The following CSMD3 variants were observed in gnomAD, a reference collection of about 807,000 sequenced individuals.
CSMD3 encodes the protein CUB and sushi domain-containing protein 3.
CSMD3 carries 177 observed loss-of-function variants against 435.2 expected under a neutral mutation model. The ratio of observed to expected loss-of-function variants is 0.41; its 90% confidence interval spans 0.36 to 0.46. The LOEUF is 0.46. Ranked by LOEUF, CSMD3 falls within the 20% of genes least tolerant of loss-of-function variation. The pLI, the probability that CSMD3 is intolerant of heterozygous loss-of-function variation, is 0.34. For synonymous variants in CSMD3, 1,656 were observed against 1,520.5 expected, an observed-to-expected ratio of 1.09 and a Z score of -2.07; for missense variants, 4,265 against 4,504.6, an observed-to-expected ratio of 0.95 and a Z score of 1.52.
chr8:113,355,738 A>AT (rs2094219772), intron 1 of CSMD3, among the ~76,000 whole-genome samples: 1 of 108,520 alleles, frequency 9.2e-6, no homozygotes, highest in African/African-American at 4.4e-5. Flanking sequence ...ATATATATAT[A>AT]TATATATATA....
intron 10 of CSMD3, among the ~76,000 whole-genome samples, chr8:112,902,028 G>T (rs938945330): frequency 2.0e-5 from 3 of 151,202 alleles, no homozygotes; most frequent in African/African-American, 7.3e-5. Flanking sequence ...TAATGTCAAA[G>T]AAATTCTCCC....
chr8:112,310,788 T>C (rs1821903421), intron 50 of CSMD3, 190 bp downstream of exon 50: 1 of 687,818 alleles, frequency 1.5e-6, no homozygotes, highest in Non-Finnish European at 2.6e-6. Flanking sequence ...AATGAATAAT[T>C]ATAAAACAGT....
intron 27 of CSMD3, among the ~76,000 whole-genome samples, chr8:112,523,210 G>A (rs1824485702): frequency 1.3e-5 from 2 of 152,018 alleles, no homozygotes; most frequent in South Asian, 4.1e-4. Flanking sequence ...TAGACTTAGT[G>A]TACCGTATTA....
At chr8:112,800,312 T>C in intron 12 of CSMD3, 38 bp from the exon 13 acceptor site, 2 of 1,221,522 alleles carry the variant, frequency 1.6e-6, no homozygotes, top group Non-Finnish European at 2.4e-6. Flanking sequence ...AGATGGGTTA[T>C]TAAAACATCC....
chr8:113,033,049 C>G (rs2087185884), intron 5 of CSMD3, among the ~76,000 whole-genome samples: 1 of 151,504 alleles, frequency 6.6e-6, no homozygotes, highest in Non-Finnish European at 1.5e-5. Flanking sequence ...TTGGGAGTCT[C>G]CACCTAGATT....
chr8:113,212,885 A>G (rs2092854923), intron 3 of CSMD3, among the ~76,000 whole-genome samples: 1 of 147,130 alleles, frequency 6.8e-6, no homozygotes, highest in South Asian at 2.1e-4. Flanking sequence ...CTTAAAGTAT[A>G]ATAAAAAATA....
intron 35 of CSMD3, among the ~76,000 whole-genome samples, chr8:112,396,528 A>C (rs2129838731): frequency 6.6e-6 from 1 of 152,314 alleles, no homozygotes; most frequent in Non-Finnish European, 1.5e-5. Context: ...AAACTATGCA[A>C]GAGTATCACC....
At chr8:112,783,764 AG>A (rs1440417703) in intron 13 of CSMD3, among the ~76,000 whole-genome samples, 1 of 152,016 alleles carries the variant, frequency 6.6e-6, no homozygotes, top group African/African-American at 2.4e-5. Flanking sequence ...TCCATGCAAA[AG>A]GAAACAAGAA....
At chr8:112,302,417 G>A (rs1237012760) in intron 52 of CSMD3, among the ~76,000 whole-genome samples, 1 of 151,862 alleles carries the variant, frequency 6.6e-6, no homozygotes, top group Non-Finnish European at 1.5e-5. Context: ...TATAATTTTT[G>A]TCAAGAACTC....
intron 1 of CSMD3, among the ~76,000 whole-genome samples, chr8:113,343,312 TA>T (rs553497074): frequency 1.5e-3 from 235 of 152,236 alleles, no homozygotes; most frequent in African/African-American, 5.5e-3. Flanking sequence ...ATGGGAACTA[TA>T]AAAAACTTAA....
At chr8:112,954,578 A>T in intron 8 of CSMD3, 106 bp downstream of exon 8, 1 of 710,680 alleles carries the variant, frequency 1.4e-6, no homozygotes, top group Non-Finnish European at 2.6e-6. Flanking sequence ...TAATGCAGTT[A>T]ATTTGGTAAA....
intron 55 of CSMD3, 115 bp from the exon 56 acceptor site, chr8:112,291,810 A>G: frequency 1.5e-6 from 1 of 683,202 alleles, no homozygotes; most frequent in East Asian, 2.8e-5. Flanking sequence ...TCAAACAACC[A>G]GATTCCAATA....
chr8:112,951,620 T>C (rs1002556096), intron 8 of CSMD3, among the ~76,000 whole-genome samples: 1 of 151,846 alleles, frequency 6.6e-6, no homozygotes, highest in Non-Finnish European at 1.5e-5. Flanking sequence ...TACAAAGAGT[T>C]ATCTCTTAAC....
chr8:113,063,585 G>C (rs749235657), intron 5 of CSMD3, among the ~76,000 whole-genome samples: 17 of 151,730 alleles, frequency 1.1e-4, no homozygotes, highest in Non-Finnish European at 1.8e-4. Flanking sequence ...CACTGTTCAG[G>C]GATACCATCT....
chr8:113,428,104 T>G (rs1444672247), intron 1 of CSMD3, among the ~76,000 whole-genome samples: 2 of 151,674 alleles, frequency 1.3e-5, no homozygotes, highest in African/African-American at 4.8e-5. Context: ...ATCTTTTATA[T>G]CTATTGTACA....
intron 5 of CSMD3, among the ~76,000 whole-genome samples, chr8:113,065,573 A>G (rs1268669617): frequency 6.6e-6 from 1 of 152,024 alleles, no homozygotes; most frequent in African/African-American, 2.4e-5. Context: ...TATTTTTAGT[A>G]GAGACAGGGT....
chr8:112,591,021 T>C (rs956240214), intron 22 of CSMD3, among the ~76,000 whole-genome samples: 1 of 152,090 alleles, frequency 6.6e-6, no homozygotes, highest in Non-Finnish European at 1.5e-5. Flanking sequence ...CTTTAAATCA[T>C]AAAAATTAAT....
At chr8:112,651,983 A>G (rs1273887951) in intron 18 of CSMD3, among the ~76,000 whole-genome samples, 1 of 152,166 alleles carries the variant, frequency 6.6e-6, no homozygotes, top group Non-Finnish European at 1.5e-5. Flanking sequence ...CCTCAAGTTT[A>G]TGAAACAAAC....
intron 30 of CSMD3, among the ~76,000 whole-genome samples, chr8:112,497,820 A>G (rs1391621716): frequency 6.6e-6 from 1 of 152,120 alleles, no homozygotes; most frequent in African/African-American, 2.4e-5. Flanking sequence ...ATAGGAAATA[A>G]GGAAGCTGAT....
Sources: gnomAD v4.1 joint callset for allele counts (sites outside exome capture counted in the v4.1 genomes callset) on GRCh38, gnomAD v4.1.1 for gene constraint, MANE v1.5 for transcripts, NCBI Gene and HGNC (gene_info 2026-07-23, HGNC 2026-07-21) for gene names.